DNAJC6: variants seen among roughly 807,000 people sequenced by gnomAD.
The protein encoded by DNAJC6 is auxilin.
In DNAJC6, 34 loss-of-function variants were observed where a neutral mutation model predicts 110.0. The ratio of observed to expected loss-of-function variants is 0.31; its 90% confidence interval spans 0.24 to 0.41. The LOEUF (loss-of-function observed/expected upper bound fraction) is 0.41, where lower values mean the gene tolerates loss of function less well. Among genes scored for constraint, DNAJC6 ranks in the 10% least tolerant of loss-of-function variants. The probability of loss-of-function intolerance (pLI) is 1.00; values close to 1 mark genes in which losing one functional copy is unlikely to be tolerated. For missense variants in DNAJC6, 1,031 were observed against 1,207.8 expected, an observed-to-expected ratio of 0.85 and a Z score of 2.17; for synonymous variants, 406 against 437.2, an observed-to-expected ratio of 0.93 and a Z score of 0.89.
chr1:65,410,009 CAG>C (rs980951617), intron 17 of DNAJC6, among the ~76,000 whole-genome samples: 21 of 152,088 alleles, frequency 1.4e-4, no homozygotes, highest in African/African-American at 4.8e-4. Context: ...AGCTGGGAAA[CAG>C]AGGGTGGTTC....
chr1:65,352,964 G>A (rs907979030), intron 1 of DNAJC6, among the ~76,000 whole-genome samples: 1 of 152,134 alleles, frequency 6.6e-6, no homozygotes, highest in African/African-American at 2.4e-5. Context: ...CTCTTAAATG[G>A]AACTGAAATG....
intron 1 of DNAJC6, among the ~76,000 whole-genome samples, chr1:65,327,660 C>A (rs1645253361): frequency 6.6e-6 from 1 of 152,100 alleles, no homozygotes; most frequent in South Asian, 2.1e-4. Flanking sequence ...CATTTCATGT[C>A]TGGGTAATAT....
intron 1 of DNAJC6, among the ~76,000 whole-genome samples, chr1:65,304,268 G>T (rs1645017100): frequency 6.6e-6 from 1 of 151,394 alleles, no homozygotes; most frequent in South Asian, 2.1e-4. Flanking sequence ...CAAACACCAA[G>T]AACAGATATC....
At chr1:65,316,186 C>T (rs1395489816) in intron 1 of DNAJC6, among the ~76,000 whole-genome samples, 1 of 152,164 alleles carries the variant, frequency 6.6e-6, no homozygotes, top group Non-Finnish European at 1.5e-5. Context: ...TTTGTGGCAC[C>T]TGTGAAAGCT....
At chr1:65,352,876 T>G (rs777449361) in intron 1 of DNAJC6, among the ~76,000 whole-genome samples, 3 of 152,202 alleles carry the variant, frequency 2.0e-5, no homozygotes, top group Non-Finnish European at 2.9e-5. Flanking sequence ...AAATTCTACC[T>G]GTATATGGGG....
upstream of DNAJC6, among the ~76,000 whole-genome samples, chr1:65,304,726 T>C (rs1238369759): frequency 2.6e-5 from 4 of 152,146 alleles, no homozygotes; most frequent in Admixed American, 6.5e-5. Flanking sequence ...TGGGGGTATT[T>C]CTCCTTAAGG....
chr1:65,331,500 C>G (rs1335500416), intron 1 of DNAJC6, among the ~76,000 whole-genome samples: 3 of 152,164 alleles, frequency 2.0e-5, no homozygotes, highest in African/African-American at 4.8e-5. Context: ...GGTGAAACAA[C>G]TTCCCAAGGT....
chr1:65,366,710 T>C (rs1316999679), intron 4 of DNAJC6, among the ~76,000 whole-genome samples: 2 of 152,220 alleles, frequency 1.3e-5, no homozygotes, highest in African/African-American at 4.8e-5. Context: ...GGTTTGAATC[T>C]GATATCGAGC....
intron 1 of DNAJC6, among the ~76,000 whole-genome samples, chr1:65,319,658 A>T (rs1396744719): frequency 2.6e-5 from 4 of 152,170 alleles, no homozygotes; most frequent in Non-Finnish European, 5.9e-5. Context: ...AAACAAAAAA[A>T]CCAAAACAAC....
chr1:65,363,104 A>G (rs1444531717), intron 1 of DNAJC6, among the ~76,000 whole-genome samples: 2 of 152,170 alleles, frequency 1.3e-5, no homozygotes, highest in Admixed American at 1.3e-4. Context: ...GAAGTGCCAC[A>G]TTTTAAAACC....
At chr1:65,276,176 C>T (rs1653665039) in intron 1 of DNAJC6, among the ~76,000 whole-genome samples, 1 of 152,142 alleles carries the variant, frequency 6.6e-6, no homozygotes, top group Non-Finnish European at 1.5e-5. Context: ...GCCACCGCGC[C>T]CAGCCTCTAT....
At chr1:65,265,202 ACAG>A (rs1324940643) in intron 1 of DNAJC6, among the ~76,000 whole-genome samples, 4 of 152,216 alleles carry the variant, frequency 2.6e-5, no homozygotes, top group Non-Finnish European at 5.9e-5. Flanking sequence ...GCTGAGTAAC[ACAG>A]CTTTCATAGA....
chr1:65,312,308 A>G (rs1304408515), intron 1 of DNAJC6, among the ~76,000 whole-genome samples: 2 of 152,200 alleles, frequency 1.3e-5, no homozygotes, highest in South Asian at 4.1e-4. Context: ...TCAACTGAGA[A>G]TGATTTGTTT....
chr1:65,342,425 G>C (rs551565532), intron 1 of DNAJC6, among the ~76,000 whole-genome samples: 13 of 152,256 alleles, frequency 8.5e-5, no homozygotes, highest in African/African-American at 3.1e-4. Context: ...CTTTCACCAT[G>C]GGAGGATACA....
intron 1 of DNAJC6, among the ~76,000 whole-genome samples, chr1:65,293,283 G>A (rs1016167365): frequency 4.6e-5 from 7 of 152,188 alleles, no homozygotes; most frequent in African/African-American, 1.4e-4. Context: ...TCCTCACATG[G>A]GGGTAGATGG....
chr1:65,389,237 T>G lies in DNAJC6; in HGVS notation c.1194-19T>G, dbSNP rs934522759. 3 of 1,606,492 alleles carry G rather than the reference T, an allele frequency of 1.9e-6. No homozygotes were observed. The highest frequency in any genetic ancestry group is 2.7e-5 in the African/African-American group (2 of 74,634). On this transcript the variant is annotated intron_variant, in intron 9 of 18. Coordinates refer to ENST00000371069, the MANE Select transcript of DNAJC6 (RefSeq NM_001256864.2). ...CCATTGTTTTTCACTGAATTTATCTTTTTTAAATCCCTATTTAGGCCTGAG... is the reference window on the plus strand; with the variant it reads ...CCATTGTTTTTCACTGAATTTATCTGTTTTAAATCCCTATTTAGGCCTGAG...
chr1:65,280,393 A>G (rs1238027735), intron 1 of DNAJC6, among the ~76,000 whole-genome samples: 1 of 152,188 alleles, frequency 6.6e-6, no homozygotes, highest in African/African-American at 2.4e-5. Flanking sequence ...AAATACTGCC[A>G]TGTTATATTT....
intron 11 of DNAJC6, among the ~76,000 whole-genome samples, chr1:65,391,720 A>G (rs4554758): frequency 0.48 from 73,587 of 151,944 alleles, 18,282 homozygotes; most frequent in Middle Eastern, 0.64. Context: ...ACTACTTACT[A>G]TTGATTGGAG....
chr1:65,317,857 G>C (rs1306471551), intron 1 of DNAJC6, among the ~76,000 whole-genome samples: 1 of 152,184 alleles, frequency 6.6e-6, no homozygotes, highest in Non-Finnish European at 1.5e-5. Flanking sequence ...TTTTAACCAG[G>C]AAGACTAAAG....
Sources: allele counts gnomAD v4.1 joint callset (sites outside exome capture counted in the v4.1 genomes callset), GRCh38; gene constraint gnomAD v4.1.1; transcripts MANE v1.5; gene names NCBI Gene and HGNC (gene_info 2026-07-23, HGNC 2026-07-21).